Variants in RAD51B observed in about 807,000 individuals in gnomAD.
RAD51B encodes RAD51 paralog B.
RAD51B carries 38 observed loss-of-function variants against 42.2 expected under a neutral mutation model. That is an observed-to-expected ratio of 0.90 (90% CI 0.70 to 1.18). The LOEUF (loss-of-function observed/expected upper bound fraction) is 1.18, where lower values mean the gene tolerates loss of function less well. Ranked by LOEUF, RAD51B falls within the 50% of genes most tolerant of loss-of-function variation. RAD51B has a pLI of 0.00. For missense variants in RAD51B, 373 were observed against 400.7 expected (o/e 0.93, Z 0.59); for synonymous variants, 154 against 145.2 (o/e 1.06, Z -0.43).
chr14:68,574,931 T>G (rs1161848233), intron 10 of RAD51B, among the ~76,000 whole-genome samples: 1 of 152,078 alleles, frequency 6.6e-6, no homozygotes, highest in African/African-American at 2.4e-5. Flanking sequence ...CAAGAGAGGT[T>G]GGGGATGAGC....
chr14:68,538,206 G>T (rs1370767920), intron 10 of RAD51B, among the ~76,000 whole-genome samples: 1 of 152,126 alleles, frequency 6.6e-6, no homozygotes, highest in East Asian at 1.9e-4. Flanking sequence ...TCCTCCTAAG[G>T]GCATTCTGCA....
intron 4 of RAD51B, among the ~76,000 whole-genome samples, chr14:67,862,877 A>C (rs2042207390): frequency 6.6e-6 from 1 of 152,092 alleles, no homozygotes; most frequent in Non-Finnish European, 1.5e-5. Context: ...TTTTTAATTC[A>C]TACTTTGTGT....
chr14:67,869,397 A>G (rs909431383), intron 5 of RAD51B, among the ~76,000 whole-genome samples: 6 of 152,190 alleles, frequency 3.9e-5, no homozygotes, highest in African/African-American at 7.2e-5. Context: ...AAAAGAATAA[A>G]AAGAAATGAG....
chr14:68,558,521 G>A (rs1480530409), intron 10 of RAD51B, among the ~76,000 whole-genome samples: 1 of 152,200 alleles, frequency 6.6e-6, no homozygotes, highest in Non-Finnish European at 1.5e-5. Flanking sequence ...GTCCTTCCTT[G>A]CCTCTTCTCA....
At chr14:67,845,009 G>A (rs1321838533) in intron 4 of RAD51B, among the ~76,000 whole-genome samples, 1 of 152,162 alleles carries the variant, frequency 6.6e-6, no homozygotes, top group Non-Finnish European at 1.5e-5. Context: ...TGCATGTGAG[G>A]TGGGTCTCTT....
intron 7 of RAD51B, among the ~76,000 whole-genome samples, chr14:68,206,265 G>A (rs993637876): frequency 6.6e-6 from 1 of 152,152 alleles, no homozygotes; most frequent in Admixed American, 6.5e-5. Context: ...TCATGGTGAT[G>A]TAAATTTTGA....
intron 9 of RAD51B, among the ~76,000 whole-genome samples, chr14:68,413,427 A>G (rs1308386232): frequency 2.6e-5 from 4 of 152,256 alleles, no homozygotes; most frequent in Non-Finnish European, 5.9e-5. Context: ...TGTTACTATC[A>G]TTACTAATCA....
intron 11 of RAD51B, among the ~76,000 whole-genome samples, chr14:68,671,710 G>A (rs1301959648): frequency 6.6e-6 from 1 of 151,992 alleles, no homozygotes; most frequent in Non-Finnish European, 1.5e-5. Flanking sequence ...TAATGAATCT[G>A]TGTGTCCCCT....
At chr14:68,483,022 G>A (rs1883322232), downstream of RAD51B, among the ~76,000 whole-genome samples, 1 of 151,484 alleles carries the variant, frequency 6.6e-6, no homozygotes, top group South Asian at 2.1e-4. Context: ...AGTAGGGGAA[G>A]GGAAAGGTGG....
intron 7 of RAD51B, among the ~76,000 whole-genome samples, chr14:68,074,235 T>C (rs2076798402): frequency 6.6e-6 from 1 of 152,178 alleles, no homozygotes. Flanking sequence ...TTAAAATTCT[T>C]TTTTCTTTAT....
intron 7 of RAD51B, 21 bp downstream of exon 7, chr14:67,887,225 C>CT (rs746672778): frequency 1.3e-6 from 2 of 1,558,662 alleles, no homozygotes; most frequent in East Asian, 4.5e-5. Context: ...CTTTTTTTCT[C>CT]TTTTTTCTTT....
intron 7 of RAD51B, among the ~76,000 whole-genome samples, chr14:67,903,937 A>G (rs999601023): frequency 2.0e-5 from 3 of 152,052 alleles, no homozygotes; most frequent in Non-Finnish European, 4.4e-5. Context: ...CCCCGTATCT[A>G]TGGTTTCCTT....
At chr14:67,919,242 G>A (rs7147296) in intron 7 of RAD51B, among the ~76,000 whole-genome samples, 9,106 of 152,218 alleles carry the variant, frequency 0.06, 640 homozygotes, top group African/African-American at 0.17. Flanking sequence ...ATAGTATTCT[G>A]TGAAGGTTCG....
intron 7 of RAD51B, among the ~76,000 whole-genome samples, chr14:67,918,118 G>T (rs139593391): frequency 1.6e-3 from 249 of 152,092 alleles, no homozygotes; most frequent in African/African-American, 5.8e-3. Context: ...CCAAAGAGAT[G>T]TAAGAATATT....
In RAD51B at chr14:68,080,746, G is replaced by A. The variant is rs61987530; in HGVS notation, c.756+193542G>A. On this transcript the variant is annotated intron_variant, in intron 7 of 10. Coordinates refer to ENST00000471583, the MANE Select transcript of RAD51B (RefSeq NM_133510.4). ...TCATCTGAAAAACAGATGTTTTACCGTGATCCTCAACATGTATGTGCCTGG... is the reference window on the plus strand; with the variant it reads ...TCATCTGAAAAACAGATGTTTTACCATGATCCTCAACATGTATGTGCCTGG... 1.2e-3 allele frequency among the ~76,000 whole-genome samples: 185 copies of A among 152,228 alleles called. 1 individual carries two copies. The highest frequency in any genetic ancestry group is 6.8e-3 in the Middle Eastern group (2 of 294).
intron 7 of RAD51B, among the ~76,000 whole-genome samples, chr14:68,123,031 AG>A (rs948796608): frequency 1.3e-5 from 2 of 151,416 alleles, no homozygotes; most frequent in African/African-American, 2.4e-5. Flanking sequence ...GGTTGTTTCC[AG>A]GGGGGGGTTT....
At position 68,051,754 on chromosome 14, in the gene RAD51B, A is replaced by G. The variant is rs868448564; in HGVS notation, c.756+164550A>G. 1.1e-4 allele frequency among the ~76,000 whole-genome samples: 17 copies of G among 152,128 alleles called. No individual in the cohort carries two copies. In the South Asian group the frequency reaches 3.5e-3, roughly 32 times the overall value. On this transcript the variant is annotated intron_variant, in intron 7 of 10. Coordinates refer to ENST00000471583, the MANE Select transcript of RAD51B (RefSeq NM_133510.4). ...GCTAGGACTACAGGTGCACATGACC[A>G]TGCCTGGCTAATTTTTTTCATGTAA...
chr14:68,431,119 T>G (rs1319495216), intron 9 of RAD51B, among the ~76,000 whole-genome samples: 1 of 152,200 alleles, frequency 6.6e-6, no homozygotes. Flanking sequence ...TCATGGTGGA[T>G]AAGCTTTTTG....
At chr14:68,679,493 G>A (rs547151688) in intron 11 of RAD51B, among the ~76,000 whole-genome samples, 15 of 152,300 alleles carry the variant, frequency 9.8e-5, no homozygotes, top group South Asian at 6.2e-4. Context: ...TGTAAAATGG[G>A]CCCAATGCTG....
Sources: allele counts gnomAD v4.1 joint callset (sites outside exome capture counted in the v4.1 genomes callset), GRCh38; gene constraint gnomAD v4.1.1; transcripts MANE v1.5; gene names NCBI Gene and HGNC (gene_info 2026-07-23, HGNC 2026-07-21).